Variants in TNRC6B observed in about 807,000 individuals in gnomAD.
TNRC6B encodes the protein trinucleotide repeat containing adaptor 6B.
TNRC6B carries 52 observed loss-of-function variants against 203.6 expected under a neutral mutation model. The ratio of observed to expected loss-of-function variants is 0.26; its 90% CI spans 0.20 to 0.32. The LOEUF (loss-of-function observed/expected upper bound fraction) is 0.32. Ranked by LOEUF, TNRC6B falls within the 10% of genes least tolerant of loss-of-function variation. The pLI is 1.00. For synonymous variants in TNRC6B, 838 were observed against 845.7 expected (o/e 0.99, Z 0.16); for missense variants, 1,923 against 2,286.2 (o/e 0.84, Z 3.24).
chr22:40,178,230 T>C, intron 1 of TNRC6B, 90 bp downstream of exon 1: 1 of 1,456,220 alleles, frequency 6.9e-7, no homozygotes, highest in Non-Finnish European at 9.6e-7. Context: ...AATCGACATT[T>C]GTCTAGCATG....
chr22:40,075,156 A>ATATATATATATATATT, intron 1 of TNRC6B, among the ~76,000 whole-genome samples: 5 of 35,558 alleles, frequency 1.4e-4, no homozygotes, highest in African/African-American at 2.1e-4. Flanking sequence ...ATATATATAT[A>ATATATATATATATATT]TTTTTTTTTT....
chr22:40,057,837 G>A (rs190342811), intron 1 of TNRC6B, among the ~76,000 whole-genome samples: 16 of 152,226 alleles, frequency 1.1e-4, no homozygotes, highest in African/African-American at 3.1e-4. Context: ...CCTGCTGATG[G>A]TGTCTCATGC....
At position 40,317,635 on chromosome 22, in the gene TNRC6B, G is replaced by A. The variant is rs377725398; in HGVS notation, c.4974+1623G>A. Among the ~76,000 whole-genome samples, 18 of 152,266 alleles carry A rather than the reference G, an allele frequency of 1.2e-4. No homozygotes were observed. The East Asian group carries it at 2.1e-3, about 18-fold the overall frequency. ...ACTCTCCGTCTATTATCCTCTTCAC[G>A]TGTAGATGGCATTACTATAATTTGC... On this transcript the variant is annotated intron_variant, in intron 21 of 22. Transcript: ENST00000454349.
chr22:40,312,417 C>A, intron 17 of TNRC6B, 88 bp from the exon 18 acceptor site: 1 of 1,311,566 alleles, frequency 7.6e-7, no homozygotes, highest in East Asian at 2.5e-5. Flanking sequence ...TTATACTTTT[C>A]ACAGACCCAT....
At chr22:40,089,486 G>C (rs984780156) in intron 1 of TNRC6B, among the ~76,000 whole-genome samples, 1 of 152,052 alleles carries the variant, frequency 6.6e-6, no homozygotes, top group Non-Finnish European at 1.5e-5. Context: ...ACCCGCCTCA[G>C]CCTCCTAAAT....
In TNRC6B at chr22:40,312,480, C is replaced by T. The variant is rs746771622; in HGVS notation, c.4436-25C>T. ...ATTTTTTTTTAACGACCTTCCTTCT[C>T]TAATATTTGTTTTCCTTGTCTCAGA... is the stretch of plus-strand genomic sequence containing the variant. On this transcript the variant is annotated intron_variant, in intron 17 of 22. Coordinates refer to ENST00000454349, the MANE Select transcript of TNRC6B (RefSeq NM_001162501.2). 1.6e-5 allele frequency: 26 copies of T among 1,596,274 alleles called. No homozygotes were observed. The South Asian group carries it at 2.6e-4, about 16-fold the overall frequency.
chr22:40,255,784 G>A (rs1164084126), intron 3 of TNRC6B, among the ~76,000 whole-genome samples: 2 of 152,202 alleles, frequency 1.3e-5, no homozygotes, highest in Non-Finnish European at 2.9e-5. Context: ...ACAGTGTGGT[G>A]CAGGAAGTGT....
At chr22:40,219,784 C>T (rs982650632) in intron 1 of TNRC6B, among the ~76,000 whole-genome samples, 2 of 152,346 alleles carry the variant, frequency 1.3e-5, no homozygotes, top group African/African-American at 4.8e-5. Context: ...GTCCTCTCTA[C>T]ATTCTGTCCT....
Position 40,270,248 on chromosome 22 carries a change from CG to C in TNRC6B, c.2934del (p.Ala980ProfsTer7). On this transcript the variant is annotated frameshift_variant, in exon 6 of 23. Coordinates refer to ENST00000454349, the MANE Select transcript of TNRC6B (RefSeq NM_001162501.2). LOFTEE classifies it high-confidence loss of function. ...GCATCGACCACAGGCTGGGGGAACA[CG>C]CCCGCCAACGCTCCCAATGCCATGA... ...TGASTTGWGN[T>X]PANAPNAMKP... The C allele has an allele frequency of 6.8e-7, 1 of 1,479,728 alleles. No individual in the cohort carries two copies. Among genetic ancestry groups the C allele is most frequent in the South Asian group, 1.3e-5 (1 of 75,634 alleles). 91.7% of individuals were successfully genotyped at this position (1,479,728 alleles called of 1,614,324 possible).
At chr22:40,095,637 G>A (rs1333752756) in intron 1 of TNRC6B, among the ~76,000 whole-genome samples, 1 of 150,894 alleles carries the variant, frequency 6.6e-6, no homozygotes, top group Non-Finnish European at 1.5e-5. Context: ...CATTGTGACT[G>A]AGCCCACAGC....
chr22:40,092,797 G>A (rs2068160389), intron 1 of TNRC6B, among the ~76,000 whole-genome samples: 1 of 152,172 alleles, frequency 6.6e-6, no homozygotes, highest in Admixed American at 6.5e-5. Flanking sequence ...GATTAGAGGT[G>A]CAGACCGCCA....
intron 1 of TNRC6B, among the ~76,000 whole-genome samples, chr22:40,062,576 C>T (rs979199978): frequency 4.6e-5 from 7 of 152,160 alleles, no homozygotes; most frequent in Non-Finnish European, 1.0e-4. Flanking sequence ...AAAAGGGCTG[C>T]ACCATTTTAC....
chr22:40,290,953 A>G (rs557714113), intron 12 of TNRC6B, among the ~76,000 whole-genome samples: 1 of 152,242 alleles, frequency 6.6e-6, no homozygotes, highest in South Asian at 2.1e-4. Context: ...CAAAAAAGAA[A>G]ATTACTTGTG....
intron 3 of TNRC6B, among the ~76,000 whole-genome samples, chr22:40,129,456 G>C (rs1313530118): frequency 6.6e-6 from 1 of 152,170 alleles, no homozygotes; most frequent in Non-Finnish European, 1.5e-5. Flanking sequence ...ACTGGAAGTG[G>C]AGGAAAGACA....
intron 1 of TNRC6B, among the ~76,000 whole-genome samples, chr22:40,090,860 C>T (rs1219775084): frequency 1.3e-5 from 2 of 152,130 alleles, no homozygotes; most frequent in Non-Finnish European, 1.5e-5. Flanking sequence ...ATACAGGAAC[C>T]GGCTACACCA....
chr22:40,192,564 C>A (rs1179818965), intron 1 of TNRC6B, among the ~76,000 whole-genome samples: 1 of 152,126 alleles, frequency 6.6e-6, no homozygotes, highest in Admixed American at 6.5e-5. Context: ...CTGCAGTGAG[C>A]CGAGATCGAG....
At position 40,164,811 on chromosome 22, in the gene TNRC6B, C is replaced by T. The variant is rs189293972; in HGVS notation, c.113+8629C>T. On this transcript the variant is annotated intron_variant, in intron 4 of 23. Transcript: ENST00000301923. ...TTTTTTTTTCCCTGAAATAGCGTCT[C>T]ACTCTGCCCAGGCTGGAGTGCAGTG... is the stretch of plus-strand genomic sequence containing the variant. Among the ~76,000 whole-genome samples the T allele has an allele frequency of 7.4e-3, 1,078 of 144,866 alleles. 4 individuals carry two copies. The highest frequency in any genetic ancestry group is 0.012 in the Non-Finnish European group (809 of 66,660).
Position 40,266,787 on chromosome 22 carries a change from C to A in TNRC6B, c.2557C>A (p.Pro853Thr), listed in dbSNP as rs1395060351. Reference sequence around the variant, plus strand: ...CCCACCACCTCCAGGCAACGTTCGACCTTCCAATTCCAGCTGGAGCAGCGG... The same window carrying A: ...CCCACCACCTCCAGGCAACGTTCGAACTTCCAATTCCAGCTGGAGCAGCGG... The part of the protein sequence containing the change: ...PPPPPPGNVR[P>T]SNSSWSSGPQ... The change falls in exon 5 of 23, where the codon CCT (proline) becomes ACT (threonine). Residue 853 changes from proline to threonine, a missense_variant. Around this residue, in one of 8 missense-constraint regions of TNRC6B, gnomAD observed 599 missense variants for 656.5 expected, o/e 0.91. Transcript: ENST00000454349. 1 of 1,613,550 alleles carries A rather than the reference C, an allele frequency of 6.2e-7. No individual in the cohort carries two copies.
chr22:40,185,030 C>T (rs1245826184), intron 1 of TNRC6B, among the ~76,000 whole-genome samples: 4 of 152,052 alleles, frequency 2.6e-5, no homozygotes, highest in South Asian at 2.1e-4. Flanking sequence ...GAGTCTTGCT[C>T]GCCAGGCTGG....
Sources: allele counts gnomAD v4.1 joint callset (sites outside exome capture counted in the v4.1 genomes callset), GRCh38; gene constraint gnomAD v4.1.1; regional missense constraint gnomAD v4.1.1; transcripts MANE v1.5; gene names NCBI Gene and HGNC (gene_info 2026-07-23, HGNC 2026-07-21).